EVL: variants seen among roughly 807,000 people sequenced by gnomAD.
The protein encoded by EVL is ena/VASP-like protein.
In EVL, 21 loss-of-function variants were observed where a neutral mutation model predicts 59.6. The observed-to-expected ratio is 0.35, with a 90% CI of 0.25 to 0.51. EVL has a LOEUF of 0.51. Ranked by LOEUF, EVL falls within the 20% of genes least tolerant of loss-of-function variation. The pLI is 0.97. For synonymous variants in EVL, 198 were observed against 203.5 expected (o/e 0.97, Z 0.23); for missense variants, 462 against 546.6 (o/e 0.85, Z 1.54).
chr14:99,975,945 C>T (rs531945936), intron 1 of EVL, among the ~76,000 whole-genome samples: 1 of 152,210 alleles, frequency 6.6e-6, no homozygotes, highest in Admixed American at 6.5e-5. Flanking sequence ...CTCCATCACC[C>T]CTCCTCTGCT....
At chr14:99,988,319 A>G (rs1224953261) in intron 1 of EVL, among the ~76,000 whole-genome samples, 1 of 152,216 alleles carries the variant, frequency 6.6e-6, no homozygotes, top group Non-Finnish European at 1.5e-5. Context: ...TAGCATCATT[A>G]GACAAGAGGA....
At chr14:100,086,524 C>T (rs1450263918) in intron 2 of EVL, among the ~76,000 whole-genome samples, 2 of 152,228 alleles carry the variant, frequency 1.3e-5, no homozygotes, top group African/African-American at 4.8e-5. Flanking sequence ...TGGTTGCCCT[C>T]CAGGGCGTAG....
At chr14:100,075,663 A>G (rs2062145222) in intron 1 of EVL, among the ~76,000 whole-genome samples, 1 of 152,202 alleles carries the variant, frequency 6.6e-6, no homozygotes, top group African/African-American at 2.4e-5. Context: ...AGAAGCCCAC[A>G]GTCTCAGGAA....
At chr14:100,134,895 C>G (rs1228125251) in intron 8 of EVL, 1 of 152,178 alleles carries the variant, frequency 6.6e-6, no homozygotes, top group African/African-American at 2.4e-5. Flanking sequence ...GTGCCCAGGG[C>G]CTGGGAGTGC....
Position 99,995,363 on chromosome 14 carries a change from T to A in EVL, c.5+23306T>A, listed in dbSNP as rs371560222. Among the ~76,000 whole-genome samples the A allele has an allele frequency of 1.2e-4, 18 of 152,350 alleles. No homozygotes were observed. In the East Asian group the frequency reaches 3.3e-3, roughly 28 times the overall value. ...ATCCCTCTGACTCAGTAATTTCAAA[T>A]GTCTTGACTTTGAGTTCGGTGGTTC... On this transcript the variant is annotated intron_variant, in intron 1 of 13. Coordinates refer to the EVL transcript ENST00000402714.
At chr14:100,043,744 C>G (rs1566981349) in intron 1 of EVL, among the ~76,000 whole-genome samples, 1 of 151,628 alleles carries the variant, frequency 6.6e-6, no homozygotes, top group East Asian at 1.9e-4. Context: ...TCCCAAGTAG[C>G]TGGGACTACA....
At chr14:100,026,522 G>A (rs776529103) in intron 1 of EVL, among the ~76,000 whole-genome samples, 2 of 152,106 alleles carry the variant, frequency 1.3e-5, no homozygotes, top group Admixed American at 6.5e-5. Context: ...TTGTCGTGGT[G>A]CCTGGCACGT....
intron 7 of EVL, among the ~76,000 whole-genome samples, chr14:100,131,473 C>T (rs973808937): frequency 6.6e-6 from 1 of 152,208 alleles, no homozygotes. Flanking sequence ...GGTTGTCTCC[C>T]GCCTCTGAGG....
At chr14:99,994,203 A>G (rs537653294) in intron 1 of EVL, among the ~76,000 whole-genome samples, 1 of 126,518 alleles carries the variant, frequency 7.9e-6, no homozygotes. Flanking sequence ...ATATAGTTGG[A>G]TTCTGGTTTT....
intron 4 of EVL, among the ~76,000 whole-genome samples, chr14:100,125,398 T>C (rs762824218): frequency 1.3e-5 from 2 of 152,172 alleles, no homozygotes; most frequent in Non-Finnish European, 2.9e-5. Context: ...GTACCATAGG[T>C]TCAGACCTGA....
At chr14:100,125,063 C>T (rs1887948992) in intron 4 of EVL, among the ~76,000 whole-genome samples, 1 of 147,850 alleles carries the variant, frequency 6.8e-6, no homozygotes, top group South Asian at 2.1e-4. Flanking sequence ...CACACACACA[C>T]CTGCTCCACG....
At chr14:100,005,328 A>G (rs1190968721) in intron 1 of EVL, among the ~76,000 whole-genome samples, 1 of 152,220 alleles carries the variant, frequency 6.6e-6, no homozygotes, top group Non-Finnish European at 1.5e-5. Context: ...ATAATTCAAG[A>G]TGTAGCTGTT....
chr14:100,047,620 G>C (rs11620716), intron 1 of EVL, among the ~76,000 whole-genome samples: 94,974 of 151,508 alleles, frequency 0.63, 32,473 homozygotes, highest in Non-Finnish European at 0.75. Context: ...GCAGTGCCTT[G>C]CTTATATTGT....
intron 1 of EVL, among the ~76,000 whole-genome samples, chr14:100,070,340 G>C (rs2062023804): frequency 6.6e-6 from 1 of 152,170 alleles, no homozygotes; most frequent in Non-Finnish European, 1.5e-5. Flanking sequence ...CGGAGCTTTT[G>C]ATCTCTGAGA....
intron 1 of EVL, chr14:100,074,715 C>G (rs2062123988): frequency 1.3e-5 from 2 of 152,610 alleles, no homozygotes; most frequent in African/African-American, 4.8e-5. Flanking sequence ...AAAGTACTCT[C>G]TCTCTGTCTG....
In EVL at chr14:100,046,783, T is replaced by C. The variant is rs1334139910; in HGVS notation, c.6-37904T>C. Reference sequence around the variant, plus strand: ...TTTTTTTTTTTTTGAGGAAGAGTCTTGCTCTGTTGCCCAGGCTGGAGTGCA... The same window carrying C: ...TTTTTTTTTTTTTGAGGAAGAGTCTCGCTCTGTTGCCCAGGCTGGAGTGCA... On this transcript the variant is annotated intron_variant, in intron 1 of 13. Transcript: ENST00000402714. 8.8e-5 allele frequency among the ~76,000 whole-genome samples: 13 copies of C among 147,416 alleles called. No individual in the cohort carries two copies. The East Asian group carries it at 2.6e-3, about 29-fold the overall frequency.
At chr14:100,009,364 G>A (rs1239298102) in intron 1 of EVL, among the ~76,000 whole-genome samples, 1 of 152,136 alleles carries the variant, frequency 6.6e-6, no homozygotes, top group Non-Finnish European at 1.5e-5. Flanking sequence ...CTTGCCAGTT[G>A]GATGCTTGAA....
chr14:100,106,437 C>T (rs563664495), intron 3 of EVL: 2 of 161,038 alleles, frequency 1.2e-5, no homozygotes, highest in East Asian at 1.8e-4. Context: ...CCCTTCGTCA[C>T]ATCCCATTTG....
chr14:100,050,926 A>G (rs1405673114), intron 1 of EVL, among the ~76,000 whole-genome samples: 2 of 150,764 alleles, frequency 1.3e-5, no homozygotes, highest in East Asian at 3.9e-4. Flanking sequence ...AAAAAAAAAA[A>G]TTAAGAGATG....
Sources: allele counts gnomAD v4.1 joint callset (sites outside exome capture counted in the v4.1 genomes callset), GRCh38; gene constraint gnomAD v4.1.1; transcripts MANE v1.5; gene names NCBI Gene and HGNC (gene_info 2026-07-23, HGNC 2026-07-21).